The following ASH1L variants were observed in gnomAD, a reference collection of about 807,000 sequenced individuals.
ASH1L encodes the protein ASH1 like histone lysine methyltransferase, also known as histone-lysine N-methyltransferase ASH1L.
A neutral mutation model predicts 269.0 loss-of-function variants in ASH1L; 23 were observed. The observed-to-expected ratio is 0.09, with a 90% CI of 0.06 to 0.12. ASH1L has a LOEUF of 0.12. ASH1L is among the 10% of genes least tolerant of loss of function. The pLI, the probability that ASH1L is intolerant of heterozygous loss-of-function variation, is 1.00. For missense variants in ASH1L, 2,912 were observed against 3,567.8 expected, an observed-to-expected ratio of 0.82 and a Z score of 4.68; for synonymous variants, 1,187 against 1,253.5, an observed-to-expected ratio of 0.95 and a Z score of 1.12.
chr1:155,562,940 CA>C (rs1401990922), upstream of ASH1L: 3 of 456,754 alleles, frequency 6.6e-6, no homozygotes, highest in Admixed American at 7.2e-5. Context: ...GCGCCTCCCA[CA>C]ATCCCCCCCG....
chr1:155,493,936 G>GT (rs1666981515), intron 2 of ASH1L, among the ~76,000 whole-genome samples: 1 of 152,032 alleles, frequency 6.6e-6, no homozygotes, highest in Non-Finnish European at 1.5e-5. Context: ...ATTGAGCACT[G>GT]AGGATAACAG....
At chr1:155,532,983 AG>A (rs1669793778) in intron 1 of ASH1L, among the ~76,000 whole-genome samples, 1 of 141,790 alleles carries the variant, frequency 7.1e-6, no homozygotes, top group African/African-American at 2.7e-5. Context: ...AGAGAGAGAG[AG>A]TGTGTGTGTG....
intron 3 of ASH1L, among the ~76,000 whole-genome samples, chr1:155,473,492 A>ATTT (rs774259211): frequency 0.037 from 4,750 of 127,692 alleles, 340 homozygotes; most frequent in African/African-American, 0.13. Flanking sequence ...TAGTATTTCT[A>ATTT]TTTTTTTTTT....
intron 12 of ASH1L, among the ~76,000 whole-genome samples, chr1:155,368,274 G>A (rs1025357975): frequency 1.3e-5 from 2 of 152,074 alleles, no homozygotes; most frequent in African/African-American, 4.8e-5. Flanking sequence ...TGGGATTGCA[G>A]GTGTGAGCCA....
At chr1:155,386,170 C>T (rs546480542) in intron 7 of ASH1L, among the ~76,000 whole-genome samples, 8 of 151,300 alleles carry the variant, frequency 5.3e-5, no homozygotes, top group East Asian at 1.9e-4. Context: ...TGAGTTCAAG[C>T]GATTCTCCCG....
chr1:155,547,490 G>C (rs1321335899), intron 1 of ASH1L, among the ~76,000 whole-genome samples: 1 of 152,000 alleles, frequency 6.6e-6, no homozygotes, highest in African/African-American at 2.4e-5. Flanking sequence ...TTGGGAGGCT[G>C]AGGCAGGCAG....
At chr1:155,345,048 C>T (rs1457969598) in intron 21 of ASH1L, among the ~76,000 whole-genome samples, 2 of 151,988 alleles carry the variant, frequency 1.3e-5, no homozygotes, top group Non-Finnish European at 2.9e-5. Context: ...CTTCCGCCTC[C>T]AGATTCAAGT....
chr1:155,410,298 T>C (rs1659661358), intron 6 of ASH1L, among the ~76,000 whole-genome samples: 1 of 151,886 alleles, frequency 6.6e-6, no homozygotes, highest in South Asian at 2.1e-4. Context: ...GCTGGATTTT[T>C]ATTTTATTTA....
Position 155,347,773 on chromosome 1 carries a change from G to A in ASH1L, c.7686C>T (p.Ser2562=). 1 of 1,614,190 alleles carries A rather than the reference G, an allele frequency of 6.2e-7. No homozygotes were observed. Among genetic ancestry groups the A allele is most frequent in the South Asian group, 1.1e-5 (1 of 91,086 alleles). The change falls in exon 20 of 28, where the codon AGC becomes AGT. Residue 2562 remains serine (S), a synonymous_variant. Transcript: ENST00000392403. ...IVGETASEAD[S]SETSVSEKEN... ...CCTTTTCAGAGACTGAGGTCTCACT[G>A]CTGTCTGCCTCACTTGCTGTCTCTC...
intron 1 of ASH1L, among the ~76,000 whole-genome samples, chr1:155,531,672 G>A (rs528030436): frequency 6.6e-6 from 1 of 152,148 alleles, no homozygotes; most frequent in East Asian, 1.9e-4. Context: ...TGAGAAGAGA[G>A]AAATACTACA....
At chr1:155,431,478 T>C (rs1661592793) in intron 5 of ASH1L, among the ~76,000 whole-genome samples, 1 of 151,834 alleles carries the variant, frequency 6.6e-6, no homozygotes, top group Non-Finnish European at 1.5e-5. Flanking sequence ...TTTGTAGAGA[T>C]GGACCAGGTG....
At position 155,478,952 on chromosome 1, in the gene ASH1L, T is replaced by G. The variant is rs1485956359; in HGVS notation, c.3918A>C (p.Arg1306=). The G allele has an allele frequency of 1.2e-6, 2 of 1,613,802 alleles. No homozygotes were observed. The highest frequency in any genetic ancestry group is 2.2e-5 in the South Asian group (2 of 91,070). ...SRLSEIRITH[R]SHHFIPRDLL... is the part of the protein sequence containing the mutation. ...GATCTCGGGGGATAAAATGATGACTTCGATGAGTGATCCGAATTTCACTTA... is the reference window on the plus strand; with the variant it reads ...GATCTCGGGGGATAAAATGATGACTGCGATGAGTGATCCGAATTTCACTTA... Residue 1306 remains arginine, a synonymous_variant, in exon 3 of 28, where the codon CGA becomes CGC. Transcript: ENST00000392403. The surrounding 1 kb of genome is among the most constrained non-coding windows in gnomAD (Gnocchi z 4.6).
At chr1:155,418,821 G>C (rs1373292072) in intron 5 of ASH1L, among the ~76,000 whole-genome samples, 2 of 152,156 alleles carry the variant, frequency 1.3e-5, no homozygotes, top group East Asian at 3.8e-4. Context: ...TGTAATCCCA[G>C]CACTTTGGGA....
At chr1:155,357,864 G>A (rs1285036191) in intron 13 of ASH1L, 115 bp from the exon 14 acceptor site, 4 of 962,130 alleles carry the variant, frequency 4.2e-6, no homozygotes, top group Non-Finnish European at 5.9e-6. Context: ...TCAACCTCCT[G>A]GGCTCAACTG....
chr1:155,522,191 G>T (rs927303987), intron 1 of ASH1L, among the ~76,000 whole-genome samples: 8 of 152,160 alleles, frequency 5.3e-5, no homozygotes, highest in Non-Finnish European at 1.2e-4. Context: ...TTTTAGAAGA[G>T]ATTATCAGGC....
intron 8 of ASH1L, among the ~76,000 whole-genome samples, chr1:155,379,115 G>A (rs1377696856): frequency 1.3e-5 from 2 of 151,882 alleles, no homozygotes; most frequent in Non-Finnish European, 2.9e-5. Context: ...AAAAAAGAAT[G>A]CATTAGAAGA....
At chr1:155,443,184 T>C (rs1311501546) in intron 4 of ASH1L, among the ~76,000 whole-genome samples, 2 of 152,200 alleles carry the variant, frequency 1.3e-5, no homozygotes, top group Non-Finnish European at 2.9e-5. Flanking sequence ...ATCTCCTCTA[T>C]CCCTTCATCA....
chr1:155,528,697 T>C (rs990340020), intron 1 of ASH1L, among the ~76,000 whole-genome samples: 3 of 152,174 alleles, frequency 2.0e-5, no homozygotes, highest in African/African-American at 7.2e-5. Flanking sequence ...CATTGATTTA[T>C]TGATTTTTTA....
intron 1 of ASH1L, among the ~76,000 whole-genome samples, chr1:155,557,622 T>C (rs1671692109): frequency 6.6e-6 from 1 of 152,124 alleles, no homozygotes; most frequent in Non-Finnish European, 1.5e-5. Flanking sequence ...AATATCACAT[T>C]CTGCCAATTA....
Sources: gnomAD v4.1 joint callset for allele counts (sites outside exome capture counted in the v4.1 genomes callset) on GRCh38, gnomAD v4.1.1 for gene constraint, Gnocchi (gnomAD v3.1) non-coding constraint, MANE v1.5 for transcripts, NCBI Gene and HGNC (gene_info 2026-07-23, HGNC 2026-07-21) for gene names.